NTN1: variants seen among roughly 807,000 people sequenced by gnomAD.
NTN1 encodes netrin 1.
NTN1 carries 11 observed loss-of-function variants against 54.2 expected under a neutral mutation model. That is an observed-to-expected ratio of 0.20 (90% confidence interval 0.13 to 0.34). NTN1 has a LOEUF of 0.34. NTN1 is among the 10% of genes least tolerant of loss of function. NTN1 has a pLI of 1.00. For synonymous variants in NTN1, 371 were observed against 382.0 expected, an observed-to-expected ratio of 0.97 and a Z score of 0.33; for missense variants, 740 against 893.1, an observed-to-expected ratio of 0.83 and a Z score of 2.18.
At chr17:9,187,542 T>C (rs1162793467) in intron 5 of NTN1, among the ~76,000 whole-genome samples, 1 of 150,434 alleles carries the variant, frequency 6.6e-6, no homozygotes, top group Non-Finnish European at 1.5e-5. Context: ...CCAGGTGCGG[T>C]GGCTCACGCC....
At chr17:9,073,279 G>T (rs1024041767) in intron 2 of NTN1, among the ~76,000 whole-genome samples, 1 of 152,204 alleles carries the variant, frequency 6.6e-6, no homozygotes, top group Admixed American at 6.5e-5. Context: ...TCAAAGCCGC[G>T]GGTGAAGGTG....
chr17:9,154,736 A>C (rs1015774241), intron 2 of NTN1, among the ~76,000 whole-genome samples: 1 of 152,234 alleles, frequency 6.6e-6, no homozygotes, highest in Non-Finnish European at 1.5e-5. Flanking sequence ...ATGGAGCAGC[A>C]AAGTAATAAA....
intron 2 of NTN1, among the ~76,000 whole-genome samples, chr17:9,073,416 C>T (rs2092039165): frequency 6.6e-6 from 1 of 152,200 alleles, no homozygotes; most frequent in Admixed American, 6.5e-5. Flanking sequence ...AGTCAGGGCA[C>T]AAATTTCAGG....
the NTN1 span, among the ~76,000 whole-genome samples, chr17:9,006,218 C>T: frequency 6.6e-6 from 1 of 152,116 alleles, no homozygotes; most frequent in African/African-American, 2.4e-5. Flanking sequence ...TTTATGTAAG[C>T]CATTTGTAGC....
chr17:9,159,147 GACAA>G (rs1210895533), intron 2 of NTN1, among the ~76,000 whole-genome samples: 1 of 152,120 alleles, frequency 6.6e-6, no homozygotes, highest in African/African-American at 2.4e-5. Context: ...TGGCAGAAAA[GACAA>G]ACAATGTTTA....
intron 4 of NTN1, 143 bp from the exon 5 acceptor site, chr17:9,182,773 C>A: frequency 1.2e-6 from 1 of 861,148 alleles, no homozygotes; most frequent in Non-Finnish European, 1.9e-6. Flanking sequence ...CTTTTCTCCT[C>A]TTGAGCCAAG....
chr17:9,070,480 G>T (rs985008474), intron 2 of NTN1, among the ~76,000 whole-genome samples: 2 of 152,082 alleles, frequency 1.3e-5, no homozygotes, highest in Non-Finnish European at 2.9e-5. Context: ...CTAAACCCCC[G>T]AGACTTTGGA....
chr17:9,102,657 A>C (rs1032089609), intron 2 of NTN1, among the ~76,000 whole-genome samples: 1 of 150,722 alleles, frequency 6.6e-6, no homozygotes, highest in Non-Finnish European at 1.5e-5. Flanking sequence ...TATATTTACC[A>C]AGAGACATGT....
chr17:9,086,655 A>T (rs905742596), intron 2 of NTN1, among the ~76,000 whole-genome samples: 2 of 152,204 alleles, frequency 1.3e-5, no homozygotes, highest in African/African-American at 4.8e-5. Flanking sequence ...ACCTACCTTC[A>T]TGATCACCAT....
At position 9,239,509 on chromosome 17, in the gene NTN1, G is replaced by A; in HGVS notation, c.1487-131G>A. The A allele has an allele frequency of 3.7e-6, 3 of 803,474 alleles. No homozygotes were observed. Among genetic ancestry groups the A allele is most frequent in the Admixed American group, 2.8e-5 (1 of 36,120 alleles). 49.8% of individuals were successfully genotyped at this position (803,474 alleles called of 1,614,324 possible). A position where few individuals can be genotyped will look rare whatever the true frequency, so the allele number is the denominator to read the frequency against. On this transcript the variant is annotated intron_variant, in intron 6 of 6. Transcript: ENST00000173229. The surrounding 1 kb of genome is among the most constrained non-coding windows in gnomAD (Gnocchi z 5.2). ...ACGATCAGCTTGCCACCACCCACGC[G>A]CTCCTGTATGGGCCACTCTGTGCAG...
chr17:9,032,668 C>T (rs2091891478), intron 2 of NTN1, among the ~76,000 whole-genome samples: 1 of 152,220 alleles, frequency 6.6e-6, no homozygotes, highest in African/African-American at 2.4e-5. Context: ...CAGAATTTGG[C>T]ATCTGAAACG....
chr17:9,048,695 C>G (rs2091949353), intron 2 of NTN1, among the ~76,000 whole-genome samples: 1 of 151,460 alleles, frequency 6.6e-6, no homozygotes, highest in Non-Finnish European at 1.5e-5. Context: ...CTTGCTCTGT[C>G]ACCCAGGCTG....
In NTN1 at chr17:9,100,472, C is replaced by CT. The variant is rs202072016; in HGVS notation, c.1019-62331dup. Reference sequence around the variant, plus strand: ...GCCACCATGCCCAGCCAAATTTTGTCTTTTTTTTTTAGTCGAGACGGGGTT... The same window carrying CT: ...GCCACCATGCCCAGCCAAATTTTGTCTTTTTTTTTTTAGTCGAGACGGGGTT... On this transcript the variant is annotated intron_variant, in intron 2 of 6. Coordinates refer to ENST00000173229, the MANE Select transcript of NTN1 (RefSeq NM_004822.3). Among the ~76,000 whole-genome samples, 95 of 148,076 alleles carry CT rather than the reference C, an allele frequency of 6.4e-4. 2 individuals are homozygous for CT. In the South Asian group the frequency reaches 0.014, roughly 21 times the overall value.
At chr17:9,063,102 CTT>C (rs561140679) in intron 2 of NTN1, among the ~76,000 whole-genome samples, 13 of 145,860 alleles carry the variant, frequency 8.9e-5, no homozygotes, top group Admixed American at 2.1e-4. Context: ...TCATTAATGA[CTT>C]TTTTTTTTTT....
chr17:9,213,996 C>T (rs1905164877), intron 5 of NTN1, among the ~76,000 whole-genome samples: 1 of 151,756 alleles, frequency 6.6e-6, no homozygotes, highest in Admixed American at 6.6e-5. Context: ...TTAAACATGA[C>T]AGTGTTTTGT....
chr17:9,008,871 G>T, the NTN1 span, among the ~76,000 whole-genome samples: 1 of 152,002 alleles, frequency 6.6e-6, no homozygotes, highest in Non-Finnish European at 1.5e-5. Flanking sequence ...CCAAACCCCA[G>T]CTCTACTAAA....
At chr17:9,069,541 G>A (rs1450547333) in intron 2 of NTN1, among the ~76,000 whole-genome samples, 1 of 152,188 alleles carries the variant, frequency 6.6e-6, no homozygotes, top group Non-Finnish European at 1.5e-5. Context: ...AGCCAAGGAG[G>A]TTATTTCCTT....
intron 2 of NTN1, among the ~76,000 whole-genome samples, chr17:9,096,553 A>G (rs1370052709): frequency 1.3e-5 from 2 of 151,708 alleles, no homozygotes; most frequent in African/African-American, 2.4e-5. Context: ...TTGTATTTTT[A>G]GTAGAGACGG....
At chr17:9,226,542 G>A (rs980673027) in intron 6 of NTN1, among the ~76,000 whole-genome samples, 1 of 150,486 alleles carries the variant, frequency 6.6e-6, no homozygotes, top group Admixed American at 6.6e-5. Context: ...GCGGTCTCGT[G>A]GGGAGGCTGT....
Sources: gnomAD v4.1 joint callset for allele counts (sites outside exome capture counted in the v4.1 genomes callset) on GRCh38, gnomAD v4.1.1 for gene constraint, Gnocchi (gnomAD v3.1) non-coding constraint, MANE v1.5 for transcripts, NCBI Gene and HGNC (gene_info 2026-07-23, HGNC 2026-07-21) for gene names.